The following DCC variants were observed in gnomAD, a reference collection of about 807,000 sequenced individuals.
The protein encoded by DCC is DCC netrin 1 receptor.
A neutral mutation model predicts 172.5 loss-of-function variants in DCC; 58 were observed. The observed-to-expected ratio is 0.34, with a 90% CI of 0.27 to 0.42. The LOEUF is 0.42. Among genes scored for constraint, DCC ranks in the 10% least tolerant of loss-of-function variants. The pLI is 1.00. For missense variants in DCC, 1,740 were observed against 1,791.0 expected (o/e 0.97, Z 0.51); for synonymous variants, 709 against 644.5 (o/e 1.10, Z -1.52).
chr18:52,557,740 A>G (rs2032947074), intron 1 of DCC, among the ~76,000 whole-genome samples: 1 of 152,180 alleles, frequency 6.6e-6, no homozygotes, highest in Admixed American at 6.5e-5. Context: ...GTTCACTGCA[A>G]CTTCTGCCTC....
intron 1 of DCC, among the ~76,000 whole-genome samples, chr18:52,695,627 A>G (rs969515002): frequency 6.6e-6 from 1 of 152,148 alleles, no homozygotes; most frequent in African/African-American, 2.4e-5. Flanking sequence ...CCAAAGTGGG[A>G]GCAGGAAAAC....
chr18:52,707,519 AT>A (rs1599035274), intron 1 of DCC, among the ~76,000 whole-genome samples: 1 of 152,222 alleles, frequency 6.6e-6, no homozygotes, highest in South Asian at 2.1e-4. Flanking sequence ...TATCTTATAT[AT>A]CTAAAAGAAA....
At chr18:53,307,297 G>A (rs1390823037) in intron 13 of DCC, among the ~76,000 whole-genome samples, 1 of 152,094 alleles carries the variant, frequency 6.6e-6, no homozygotes, top group Non-Finnish European at 1.5e-5. Context: ...AATATCCTAT[G>A]TTTTTCTTTT....
At chr18:52,642,332 AG>A (rs1036149159) in intron 1 of DCC, among the ~76,000 whole-genome samples, 2 of 151,496 alleles carry the variant, frequency 1.3e-5, no homozygotes, top group East Asian at 2.0e-4. Context: ...GAAGAGTGGG[AG>A]GGGGGCAAGG....
intron 2 of DCC, among the ~76,000 whole-genome samples, chr18:52,901,682 C>T (rs966878263): frequency 6.6e-6 from 1 of 152,128 alleles, no homozygotes; most frequent in Admixed American, 6.6e-5. Context: ...TTATTCCAAA[C>T]TGCTACACAG....
chr18:52,414,337 G>T (rs1283381382), intron 1 of DCC, among the ~76,000 whole-genome samples: 1 of 152,082 alleles, frequency 6.6e-6, no homozygotes, highest in Non-Finnish European at 1.5e-5. Context: ...ACCCACCTCA[G>T]CCTCCCAAAG....
chr18:52,700,184 A>ACG (rs1465581302), intron 1 of DCC, among the ~76,000 whole-genome samples: 11 of 143,804 alleles, frequency 7.6e-5, no homozygotes, highest in African/African-American at 3.0e-4. Context: ...ACACATGCAC[A>ACG]CGCACACACA....
At chr18:52,612,132 A>G (rs1909157156) in intron 1 of DCC, among the ~76,000 whole-genome samples, 1 of 152,118 alleles carries the variant, frequency 6.6e-6, no homozygotes. Flanking sequence ...TACTTACTCA[A>G]TTTCTCTTCA....
At chr18:52,487,060 G>A (rs1568193094) in intron 1 of DCC, among the ~76,000 whole-genome samples, 2 of 152,182 alleles carry the variant, frequency 1.3e-5, no homozygotes, top group Admixed American at 6.6e-5. Context: ...GTTAATAATC[G>A]TTTTTGAAGA....
At chr18:53,506,559 G>A (rs550737845) in intron 27 of DCC, among the ~76,000 whole-genome samples, 29 of 151,956 alleles carry the variant, frequency 1.9e-4, no homozygotes, top group African/African-American at 4.8e-4. Context: ...AATTCTCTGC[G>A]TTCATAGAAA....
chr18:52,546,162 A>C (rs2032609345), intron 1 of DCC, among the ~76,000 whole-genome samples: 1 of 152,204 alleles, frequency 6.6e-6, no homozygotes, highest in Admixed American at 6.5e-5. Context: ...GTGCACACAC[A>C]CACACACAGA....
At chr18:52,707,664 G>A (rs1228898761) in intron 1 of DCC, among the ~76,000 whole-genome samples, 3 of 152,108 alleles carry the variant, frequency 2.0e-5, no homozygotes, top group African/African-American at 7.2e-5. Flanking sequence ...ATACACAATG[G>A]AAAATGATTC....
At chr18:52,343,197 T>A (rs1411716721) in intron 1 of DCC, among the ~76,000 whole-genome samples, 1 of 152,244 alleles carries the variant, frequency 6.6e-6, no homozygotes, top group Admixed American at 6.5e-5. Flanking sequence ...AATCTGAGTA[T>A]CACTTCTTTC....
chr18:53,405,290 T>C (rs1439740531), intron 19 of DCC, among the ~76,000 whole-genome samples: 1 of 152,166 alleles, frequency 6.6e-6, no homozygotes, highest in Non-Finnish European at 1.5e-5. Flanking sequence ...TGTTTTGTTT[T>C]CCTAAATCTT....
intron 12 of DCC, among the ~76,000 whole-genome samples, chr18:53,252,323 A>G (rs2056446918): frequency 6.6e-6 from 1 of 151,940 alleles, no homozygotes; most frequent in East Asian, 1.9e-4. Context: ...GTATTACACC[A>G]CAATAAAAAT....
chr18:52,991,595 TC>T (rs1368718776), intron 5 of DCC, among the ~76,000 whole-genome samples: 1 of 152,172 alleles, frequency 6.6e-6, no homozygotes, highest in Non-Finnish European at 1.5e-5. Flanking sequence ...TTTCACCCAT[TC>T]CCTCTTTGTG....
chr18:52,796,484 AT>A (rs745483702), intron 2 of DCC, among the ~76,000 whole-genome samples: 1 of 152,060 alleles, frequency 6.6e-6, no homozygotes, highest in Non-Finnish European at 1.5e-5. Context: ...TATTTTAAAC[AT>A]TTTTTGTAGG....
At chr18:52,872,620 T>G (rs1002637316) in intron 2 of DCC, among the ~76,000 whole-genome samples, 7 of 152,214 alleles carry the variant, frequency 4.6e-5, no homozygotes, top group African/African-American at 1.7e-4. Flanking sequence ...CTGCCTTTGT[T>G]ATTTTGCATG....
chr18:52,363,394 T>G (rs970404222), intron 1 of DCC, among the ~76,000 whole-genome samples: 1 of 152,202 alleles, frequency 6.6e-6, no homozygotes, highest in Non-Finnish European at 1.5e-5. Flanking sequence ...AATCCCTCAT[T>G]TCTCCTTTCT....
Sources: gnomAD v4.1 joint callset for allele counts (sites outside exome capture counted in the v4.1 genomes callset) on GRCh38, gnomAD v4.1.1 for gene constraint, MANE v1.5 for transcripts, NCBI Gene and HGNC (gene_info 2026-07-23, HGNC 2026-07-21) for gene names.